DDX46: variants seen among roughly 807,000 people sequenced by gnomAD.
DDX46 encodes the protein DEAD-box helicase 46.
In DDX46, 30 loss-of-function variants were observed where a neutral mutation model predicts 134.9. The ratio of observed to expected loss-of-function variants is 0.22; its 90% CI spans 0.17 to 0.30. The LOEUF is 0.30. Ranked by LOEUF, DDX46 falls within the 10% of genes least tolerant of loss-of-function variation. The pLI, the probability that DDX46 is intolerant of heterozygous loss-of-function variation, is 1.00. For missense variants in DDX46, 622 were observed against 1,248.7 expected (o/e 0.50, Z 7.56); for synonymous variants, 415 against 404.1 (o/e 1.03, Z -0.32).
At chr5:134,763,855 T>C (rs1159847560) in intron 1 of DDX46, 49 bp from the exon 2 acceptor site, 2 of 1,503,410 alleles carry the variant, frequency 1.3e-6, no homozygotes, top group African/African-American at 2.8e-5. Flanking sequence ...TAAAATGTAA[T>C]AGAAGCTAAT....
rs751912543 is a variant in DDX46, at chr5:134,765,381, TA to T, written c.206+1311del. The stretch of plus-strand genomic sequence containing the variant: ...CAACATGGTGAAACCCCGTCTCTAC[TA>T]AAAAAAAAAAAAAAAAAAAAATTAG... On this transcript the variant is annotated intron_variant, in intron 2 of 22. Coordinates refer to ENST00000452510, the MANE Select transcript of DDX46 (RefSeq NM_001300860.2). Among the ~76,000 whole-genome samples, 649 of 97,296 alleles carry T rather than the reference TA, an allele frequency of 6.7e-3. 3 individuals are homozygous for T. Among genetic ancestry groups the T allele is most frequent in the African/African-American group, 0.018 (446 of 25,482 alleles). The allele number at this position is 97,296 out of a possible 152,430, so 63.8% of individuals were successfully genotyped here. A position where few individuals can be genotyped will look rare whatever the true frequency, so the allele number is the denominator to read the frequency against.
At chr5:134,780,098 A>ATG (rs71583216) in intron 6 of DDX46, among the ~76,000 whole-genome samples, 13,200 of 139,440 alleles carry the variant, frequency 0.095, 574 homozygotes, top group Middle Eastern at 0.16. Context: ...AAAAAAATAT[A>ATG]TGTGTGTGTG....
intron 16 of DDX46, 57 bp from the exon 17 acceptor site, chr5:134,811,164 C>T: frequency 6.7e-7 from 1 of 1,492,598 alleles, no homozygotes; most frequent in Non-Finnish European, 9.2e-7. Flanking sequence ...ATCTTATGAT[C>T]TAAGTAGGAT....
intron 10 of DDX46, among the ~76,000 whole-genome samples, chr5:134,784,872 C>T (rs967467394): frequency 1.2e-4 from 19 of 152,266 alleles, no homozygotes; most frequent in East Asian, 1.9e-4. Flanking sequence ...TATATAAAAG[C>T]GACATGGAAG....
chr5:134,820,010 C>T (rs1479833067), intron 21 of DDX46, among the ~76,000 whole-genome samples: 1 of 152,064 alleles, frequency 6.6e-6, no homozygotes, highest in Admixed American at 6.6e-5. Context: ...CAACCTCCAC[C>T]TCCCGGGTTC....
chr5:134,813,463 G>C (rs899700560), intron 18 of DDX46, among the ~76,000 whole-genome samples: 2 of 152,320 alleles, frequency 1.3e-5, no homozygotes, highest in East Asian at 3.9e-4. Context: ...ATGTAGATAG[G>C]ATGCCTCAGT....
At chr5:134,805,648 C>T (rs1012854334) in intron 15 of DDX46, among the ~76,000 whole-genome samples, 4 of 151,810 alleles carry the variant, frequency 2.6e-5, no homozygotes, top group African/African-American at 9.7e-5. Flanking sequence ...CCTGCTTCAG[C>T]CTTCTGAGTA....
At chr5:134,790,618 A>G (rs1345764000) in intron 13 of DDX46, 66 bp downstream of exon 13, 1 of 1,374,546 alleles carries the variant, frequency 7.3e-7, no homozygotes, top group Non-Finnish European at 1.0e-6. Flanking sequence ...ATGAGAATGA[A>G]ATGTTCATGT....
At chr5:134,817,168 AG>A (rs2150159020) in intron 19 of DDX46, 1 of 231,824 alleles carries the variant, frequency 4.3e-6, no homozygotes, top group East Asian at 1.1e-4. Context: ...GGAGACTCCT[AG>A]GAATTAGAGT....
In DDX46 at chr5:134,782,988, A is replaced by T; in HGVS notation, c.1089A>T (p.Lys363Asn). 6.2e-7 allele frequency: 1 copy of T among 1,613,910 alleles called. No homozygotes were observed. The highest frequency in any genetic ancestry group is 1.3e-5 in the African/African-American group (1 of 75,050). Residue 363 changes from lysine to asparagine, a missense_variant, in exon 9 of 23, where the codon AAA becomes AAT. Physicochemically the swap from Lys to Asn is moderately conservative, Grantham distance 94 (BLOSUM62 0). This residue lies in a region of DDX46 where 63 missense variants were observed against 84.0 expected (regional missense o/e 0.75). Coordinates refer to ENST00000452510, the MANE Select transcript of DDX46 (RefSeq NM_001300860.2). ...FRLEMEGITV[K>N]GKGCPKPIKS... is the part of the protein sequence containing the mutation. ...TGGAAATGGAGGGCATTACAGTTAA[A>T]GGAAAAGGTTGCCCCAAACCAATTA...
intron 3 of DDX46, among the ~76,000 whole-genome samples, chr5:134,767,847 G>A (rs901299823): frequency 6.6e-6 from 1 of 151,658 alleles, no homozygotes; most frequent in Non-Finnish European, 1.5e-5. Context: ...CTACTCTGGA[G>A]GCTGAGGCCG....
chr5:134,792,985 G>A (rs557514610), intron 13 of DDX46, among the ~76,000 whole-genome samples: 4 of 152,028 alleles, frequency 2.6e-5, no homozygotes, highest in South Asian at 2.1e-4. Context: ...GCGAAACCTC[G>A]TCTCTACAAA....
At chr5:134,794,686 G>C (rs1754598629) in intron 13 of DDX46, among the ~76,000 whole-genome samples, 164 bp from the exon 14 acceptor site, 1 of 152,136 alleles carries the variant, frequency 6.6e-6, no homozygotes, top group South Asian at 2.1e-4. Flanking sequence ...CTAGATTTTT[G>C]TCCTAAGCAT....
intron 17 of DDX46, 93 bp from the exon 18 acceptor site, chr5:134,811,603 A>G (rs1364269535): frequency 1.5e-5 from 21 of 1,371,158 alleles, no homozygotes. Flanking sequence ...TATTACATTG[A>G]CATACACCAC....
At chr5:134,785,096 A>T (rs1250662259) in intron 10 of DDX46, among the ~76,000 whole-genome samples, 3 of 152,182 alleles carry the variant, frequency 2.0e-5, no homozygotes. Flanking sequence ...TGTGCCCCTC[A>T]GACCAAGGTT....
chr5:134,790,508 T>C lies in DDX46; in HGVS notation c.1582T>C (p.Leu528=), dbSNP rs34125601. Residue 528 remains leucine (L), a synonymous_variant, in exon 13 of 23, where the codon TTA becomes CTA. Coordinates refer to ENST00000452510, the MANE Select transcript of DDX46 (RefSeq NM_001300860.2). ...TCTTCGAAGAGTGACATATGTTGTT[T>C]TAGATGAAGCAGACAGAATGTTTGA... is the stretch of plus-strand genomic sequence containing the variant. ...TNLRRVTYVV[L]DEADRMFDMG... The C allele has an allele frequency of 0.014, 22,412 of 1,613,232 alleles. 193 individuals are homozygous for C. The highest frequency in any genetic ancestry group is 0.016 in the Non-Finnish European group (19,110 of 1,179,724).
intron 8 of DDX46, 96 bp from the exon 9 acceptor site, chr5:134,782,849 A>G: frequency 6.8e-7 from 1 of 1,480,706 alleles, no homozygotes; most frequent in Non-Finnish European, 9.1e-7. Flanking sequence ...GGTCTGGCAT[A>G]AGAGTTAAAG....
chr5:134,803,488 C>T (rs1176232557), intron 15 of DDX46, among the ~76,000 whole-genome samples: 1 of 152,092 alleles, frequency 6.6e-6, no homozygotes, highest in Non-Finnish European at 1.5e-5. Flanking sequence ...GGTGGTTTTT[C>T]TTATAAGACT....
chr5:134,805,849 A>C (rs528502601), intron 15 of DDX46, among the ~76,000 whole-genome samples: 1 of 152,196 alleles, frequency 6.6e-6, no homozygotes, highest in African/African-American at 2.4e-5. Flanking sequence ...TCTAATTTCT[A>C]ATACATTAAG....
Sources: gnomAD v4.1 joint callset for allele counts (sites outside exome capture counted in the v4.1 genomes callset) on GRCh38, gnomAD v4.1.1 for gene constraint, gnomAD v4.1.1 regional missense constraint, MANE v1.5 for transcripts, NCBI Gene and HGNC (gene_info 2026-07-23, HGNC 2026-07-21) for gene names.